The following AMMECR1 variants were observed in gnomAD, a reference collection of about 807,000 sequenced individuals.
AMMECR1 encodes the protein AMMECR nuclear protein 1.
In AMMECR1, 3 loss-of-function variants were observed where a neutral mutation model predicts 22.5. The ratio of observed to expected loss-of-function variants is 0.13; its 90% CI spans 0.06 to 0.35. AMMECR1 has a LOEUF of 0.35. AMMECR1 is among the 10% of genes least tolerant of loss of function. AMMECR1 has a pLI of 1.00. For missense variants in AMMECR1, 235 were observed against 278.7 expected, an observed-to-expected ratio of 0.84 and a Z score of 1.12; for synonymous variants, 130 against 116.7, an observed-to-expected ratio of 1.11 and a Z score of -0.74.
intron 2 of AMMECR1, among the ~76,000 whole-genome samples, chrX:110,394,714 C>T (rs1286117765): frequency 8.9e-6 from 1 of 112,761 alleles, no homozygotes; most frequent in Non-Finnish European, 1.9e-5. Context: ...AGCCCCTTGC[C>T]TGCTTTTGCA....
intron 2 of AMMECR1, among the ~76,000 whole-genome samples, chrX:110,399,152 G>C (rs1044443705): frequency 8.9e-6 from 1 of 112,162 alleles, no homozygotes; most frequent in African/African-American, 3.2e-5. Flanking sequence ...ATATAATACA[G>C]TGTATCACAT....
chrX:110,247,609 C>G (rs2067664956), intron 2 of AMMECR1, among the ~76,000 whole-genome samples: 1 of 109,859 alleles, frequency 9.1e-6, no homozygotes, highest in African/African-American at 3.3e-5. Flanking sequence ...GAGAATCACT[C>G]GAGCCCTGGA....
intron 2 of AMMECR1, among the ~76,000 whole-genome samples, chrX:110,240,890 T>C (rs1203762902): frequency 1.8e-5 from 2 of 112,177 alleles, no homozygotes; most frequent in African/African-American, 6.5e-5. Context: ...CCAACCACAC[T>C]GCAGTCAAAT....
chrX:110,238,292 G>C (rs939164734), intron 2 of AMMECR1, among the ~76,000 whole-genome samples: 4 of 112,427 alleles, frequency 3.6e-5, no homozygotes, highest in Non-Finnish European at 7.5e-5. Context: ...CCATGTTGGT[G>C]TTGCTAGATC....
At position 110,194,809 on chromosome X, in the gene AMMECR1, C is replaced by T. The variant is rs745608797; in HGVS notation, c.*3711G>A. On this transcript the variant is annotated 3_prime_UTR_variant, in exon 6 of 6. Coordinates refer to ENST00000262844, the MANE Select transcript of AMMECR1 (RefSeq NM_015365.3). Reference sequence around the variant, plus strand: ...AAACATATATTTGTATATAAAGGATCAATGCTGGTCTTAAGAATAATGTCA... The same window carrying T: ...AAACATATATTTGTATATAAAGGATTAATGCTGGTCTTAAGAATAATGTCA... The T allele has an allele frequency of 1.8e-5, 2 of 111,702 alleles. No individual in the cohort carries two copies. The highest frequency in any genetic ancestry group is 6.5e-5 in the African/African-American group (2 of 30,730). 9.2% of individuals were successfully genotyped at this position (111,702 alleles called of 1,213,427 possible).
intron 2 of AMMECR1, among the ~76,000 whole-genome samples, chrX:110,420,327 G>C (rs1292962940): frequency 8.9e-6 from 1 of 112,180 alleles, no homozygotes; most frequent in Non-Finnish European, 1.9e-5. Flanking sequence ...AATATTCGTT[G>C]AATGAGCAAA....
intron 1 of AMMECR1, among the ~76,000 whole-genome samples, chrX:110,308,956 C>T (rs1352916978): frequency 9.0e-6 from 1 of 111,391 alleles, no homozygotes; most frequent in Non-Finnish European, 1.9e-5. Flanking sequence ...TAAAAAAGCA[C>T]CCGTCAATCT....
In AMMECR1 at chrX:110,230,431, G is replaced by A. The variant is rs761326480; in HGVS notation, c.585-13799C>T. On this transcript the variant is annotated intron_variant, in intron 2 of 5. Transcript: ENST00000262844. Reference sequence around the variant, plus strand: ...AGCAAACTCCAACAGACCTGAAGCTGAGGGACCTGACTGTTAGAAGGAAAA... The same window carrying A: ...AGCAAACTCCAACAGACCTGAAGCTAAGGGACCTGACTGTTAGAAGGAAAA... Among the ~76,000 whole-genome samples the A allele has an allele frequency of 4.4e-5, 5 of 112,379 alleles. No homozygotes were observed. In the East Asian group the frequency reaches 1.1e-3, roughly 25 times the overall value.
upstream of AMMECR1, among the ~76,000 whole-genome samples, chrX:110,322,481 A>C (rs1186871005): frequency 5.4e-5 from 6 of 111,723 alleles, no homozygotes; most frequent in Admixed American, 5.7e-4. Context: ...ACATAATGAA[A>C]CCCAATTGGC....
chrX:110,403,176 A>G (rs773906892), intron 2 of AMMECR1, among the ~76,000 whole-genome samples: 2 of 112,020 alleles, frequency 1.8e-5, no homozygotes, highest in African/African-American at 6.5e-5. Context: ...TGAAAAAGGA[A>G]GGCCAGAGAT....
At chrX:110,314,334 C>T (rs957083428) in intron 1 of AMMECR1, among the ~76,000 whole-genome samples, 6 of 111,503 alleles carry the variant, frequency 5.4e-5, no homozygotes, top group African/African-American at 2.0e-4. Flanking sequence ...AAGGCACTAC[C>T]CTAGCCCAAA....
At chrX:110,344,395 A>G (rs1336459865) in intron 2 of AMMECR1, among the ~76,000 whole-genome samples, 4 of 112,344 alleles carry the variant, frequency 3.6e-5, no homozygotes, top group South Asian at 3.7e-4. Context: ...AAAACCCTAG[A>G]AGAAAACCTA....
At chrX:110,429,220 G>A (rs2068776892) in intron 1 of AMMECR1, among the ~76,000 whole-genome samples, 1 of 110,875 alleles carries the variant, frequency 9.0e-6, no homozygotes, top group South Asian at 3.8e-4. Flanking sequence ...GCTTCTTGAG[G>A]GCAAGGACTC....
chrX:110,430,784 A>G (rs774848891), intron 1 of AMMECR1, among the ~76,000 whole-genome samples: 1 of 112,612 alleles, frequency 8.9e-6, no homozygotes, highest in African/African-American at 3.2e-5. Flanking sequence ...AGATTTGCTG[A>G]GTGAATAAAT....
chrX:110,246,989 T>C (rs973160576), intron 2 of AMMECR1, among the ~76,000 whole-genome samples: 3 of 112,178 alleles, frequency 2.7e-5, no homozygotes, highest in African/African-American at 9.7e-5. Flanking sequence ...CCCATTACTC[T>C]TTCCTCCTGC....
Position 110,260,558 on chromosome X carries a change from A to G in AMMECR1, c.584+3931T>C, listed in dbSNP as rs1018101234. 9.0e-5 allele frequency among the ~76,000 whole-genome samples: 10 copies of G among 111,299 alleles called. No individual in the cohort carries two copies. In the Admixed American group the frequency reaches 9.5e-4, roughly 11 times the overall value. On this transcript the variant is annotated intron_variant, in intron 2 of 5. Coordinates refer to ENST00000262844, the MANE Select transcript of AMMECR1 (RefSeq NM_015365.3). Reference sequence around the variant, plus strand: ...AATTTTATTAAAATTAAAAGTTTATAATTTTATTTATAAATAAAAACTTAA... The same window carrying G: ...AATTTTATTAAAATTAAAAGTTTATGATTTTATTTATAAATAAAAACTTAA...
chrX:110,342,281 T>C (rs2068167726), intron 2 of AMMECR1, among the ~76,000 whole-genome samples: 1 of 111,551 alleles, frequency 9.0e-6, no homozygotes, highest in Admixed American at 9.4e-5. Flanking sequence ...CTGGGGGTAA[T>C]AATGTCAGAC....
Position 110,196,259 on chromosome X carries a change from A to G in AMMECR1, c.*2261T>C, listed in dbSNP as rs1219772602. On this transcript the variant is annotated 3_prime_UTR_variant, in exon 6 of 6. Coordinates refer to ENST00000262844, the MANE Select transcript of AMMECR1 (RefSeq NM_015365.3). ...CTTTGCTAAAAAAACTTCTAACCAT[A>G]AGCTCACCCAGGACGAGGAGCCTGT... 9.0e-6 allele frequency: 1 copy of G among 111,353 alleles called. No individual in the cohort carries two copies. Among genetic ancestry groups the G allele is most frequent in the Non-Finnish European group, 1.9e-5 (1 of 53,008 alleles). 9.2% of individuals were successfully genotyped at this position (111,353 alleles called of 1,213,427 possible).
At chrX:110,216,168 C>T (rs1046134892) in intron 3 of AMMECR1, among the ~76,000 whole-genome samples, 15 of 111,688 alleles carry the variant, frequency 1.3e-4, no homozygotes, top group Non-Finnish European at 2.3e-4. Context: ...CAACTAGTTA[C>T]TTAGTGGCGG....
Sources: allele counts gnomAD v4.1 joint callset (sites outside exome capture counted in the v4.1 genomes callset), GRCh38; gene constraint gnomAD v4.1.1; transcripts MANE v1.5; gene names NCBI Gene and HGNC (gene_info 2026-07-23, HGNC 2026-07-21).